Variants in TNPO1 observed in about 807,000 individuals in gnomAD.
TNPO1 encodes transportin-1.
TNPO1 carries 8 observed loss-of-function variants against 119.5 expected under a neutral mutation model. The ratio of observed to expected loss-of-function variants is 0.07; its 90% confidence interval spans 0.04 to 0.12. The LOEUF is 0.12. Ranked by LOEUF, TNPO1 falls within the 10% of genes least tolerant of loss-of-function variation. TNPO1 has a pLI of 1.00. For missense variants in TNPO1, 576 were observed against 1,089.8 expected (o/e 0.53, Z 6.64); for synonymous variants, 362 against 363.0 (o/e 1.00, Z 0.03).
intron 1 of TNPO1, among the ~76,000 whole-genome samples, chr5:72,847,041 T>C (rs1745161483): frequency 1.3e-5 from 2 of 152,164 alleles, no homozygotes; most frequent in Admixed American, 1.3e-4. Flanking sequence ...TGATTTTGTT[T>C]TGAGTTTTTT....
chr5:72,888,298 C>T lies in TNPO1; in HGVS notation c.1524C>T (p.Ala508=), dbSNP rs41271139. 8.2e-5 allele frequency: 133 copies of T among 1,613,484 alleles called. No homozygotes were observed. The highest frequency in any genetic ancestry group is 1.1e-4 in the Non-Finnish European group (129 of 1,179,578). The change falls in exon 13 of 25, where the codon GCC becomes GCT. Residue 508 remains alanine (A), a synonymous_variant. Coordinates refer to ENST00000337273, the MANE Select transcript of TNPO1 (RefSeq NM_002270.4). ...LDSNKRVQEA[A]CSAFATLEEE... is the part of the protein sequence containing the mutation. ...GCAACAAGAGAGTACAAGAAGCTGC[C>T]TGCAGGTGGGACAGATTCATAACAC...
At chr5:72,888,712 G>T (rs1378640335) in intron 13 of TNPO1, among the ~76,000 whole-genome samples, 1 of 152,168 alleles carries the variant, frequency 6.6e-6, no homozygotes, top group Non-Finnish European at 1.5e-5. Context: ...ACTCTTGAAG[G>T]AATAACAACG....
rs772665753 is a variant in TNPO1, at chr5:72,861,825, A to G, written c.373A>G (p.Ile125Val). The change falls in exon 5 of 25, where the codon ATA becomes GTA. Residue 125 changes from isoleucine to valine, a missense_variant. Around this residue, in one of 6 missense-constraint regions of TNPO1, gnomAD observed 310 missense variants for 583.0 expected, o/e 0.53. Transcript: ENST00000337273. ...TGTTCAAGGTATTTTGATCACAACT[A>G]TAGCCTCCAAGGGAGAATTGCAGAA... ...RATVGILITT[I>V]ASKGELQNWP... 5.0e-6 allele frequency: 8 copies of G among 1,613,592 alleles called. No individual in the cohort carries two copies. The highest frequency in any genetic ancestry group is 6.8e-6 in the Non-Finnish European group (8 of 1,179,510).
rs538399972 is a variant in TNPO1, at chr5:72,887,964, G to A, written c.1304-114G>A. 4.1e-6 allele frequency: 4 copies of A among 969,954 alleles called. No individual in the cohort carries two copies. In the South Asian group the frequency reaches 4.9e-5, roughly 12 times the overall value. The allele number at this position is 969,954 out of a possible 1,614,324, so 60.1% of individuals were successfully genotyped here. On this transcript the variant is annotated intron_variant, in intron 12 of 24. Transcript: ENST00000337273. ...TTTGGTATAGGTTATTGTAGTATGTGTATAGCAGTAGAAATATTCTGAATT... is the reference window on the plus strand; with the variant it reads ...TTTGGTATAGGTTATTGTAGTATGTATATAGCAGTAGAAATATTCTGAATT...
In TNPO1 at chr5:72,843,073, T is replaced by A. The variant is rs138769393; in HGVS notation, c.16-5312T>A. ...GAGGCAGTGCTGCTCTCTGGAGGTGTCCTAGTGACTGGGAGGTGCTCTTGT... is the reference window on the plus strand; with the variant it reads ...GAGGCAGTGCTGCTCTCTGGAGGTGACCTAGTGACTGGGAGGTGCTCTTGT... On this transcript the variant is annotated intron_variant, in intron 1 of 24. Transcript: ENST00000337273. 7.0e-3 allele frequency among the ~76,000 whole-genome samples: 1,063 copies of A among 152,300 alleles called. 9 individuals are homozygous for A. Among genetic ancestry groups the A allele is most frequent in the Non-Finnish European group, 9.6e-3 (651 of 68,030 alleles).
chr5:72,849,133 C>G (rs531908010), intron 2 of TNPO1, among the ~76,000 whole-genome samples: 1 of 152,206 alleles, frequency 6.6e-6, no homozygotes, highest in African/African-American at 2.4e-5. Flanking sequence ...GTTGCGAACT[C>G]CTTGTCACCC....
At chr5:72,862,198 C>G (rs1185422664) in intron 5 of TNPO1, among the ~76,000 whole-genome samples, 1 of 152,192 alleles carries the variant, frequency 6.6e-6, no homozygotes, top group African/African-American at 2.4e-5. Flanking sequence ...CAGTTTTTGT[C>G]AAGCCTAATC....
chr5:72,817,947 C>G (rs1743775936), intron 1 of TNPO1, among the ~76,000 whole-genome samples: 1 of 152,220 alleles, frequency 6.6e-6, no homozygotes. Context: ...TCCACTTTCA[C>G]CTTACCTGGC....
Position 72,831,948 on chromosome 5 carries a change from T to C in TNPO1, c.15+15196T>C, listed in dbSNP as rs1351440647. 2.6e-5 allele frequency among the ~76,000 whole-genome samples: 4 copies of C among 152,096 alleles called. No individual in the cohort carries two copies. In the South Asian group the frequency reaches 8.3e-4, roughly 31 times the overall value. ...ATACTTTTCACGTCATTACAGAAAT[T>C]AACCTTCTTTTTTTGATTGTTGCAT... On this transcript the variant is annotated intron_variant, in intron 1 of 24. Transcript: ENST00000337273.
At chr5:72,816,881 T>A in intron 1 of TNPO1, 129 bp downstream of exon 1, 13 of 1,193,502 alleles carry the variant, frequency 1.1e-5, no homozygotes, top group Non-Finnish European at 1.4e-5. Context: ...TGCCCGGCCG[T>A]TTGAAGCCGA....
At chr5:72,816,863 T>C (rs2112144232) in intron 1 of TNPO1, 111 bp downstream of exon 1, 5 of 1,349,060 alleles carry the variant, frequency 3.7e-6, no homozygotes, top group Non-Finnish European at 4.0e-6. Flanking sequence ...GCCCGCTCTC[T>C]CGGCGCCTGC....
intron 6 of TNPO1, among the ~76,000 whole-genome samples, chr5:72,870,740 C>T (rs1033479696): frequency 1.3e-5 from 2 of 152,072 alleles, no homozygotes; most frequent in East Asian, 1.9e-4. Flanking sequence ...TAGTAGGTGC[C>T]TCTGGAGGTT....
intron 5 of TNPO1, among the ~76,000 whole-genome samples, chr5:72,862,133 C>A (rs761539949): frequency 6.6e-6 from 1 of 152,104 alleles, no homozygotes; most frequent in Non-Finnish European, 1.5e-5. Flanking sequence ...CACACAAGGA[C>A]GTATCTTGCT....
chr5:72,870,283 C>T (rs946154366), intron 6 of TNPO1, among the ~76,000 whole-genome samples: 3 of 151,718 alleles, frequency 2.0e-5, no homozygotes, highest in African/African-American at 4.8e-5. Flanking sequence ...GCCTCAGCCT[C>T]CCAAGTATAG....
chr5:72,841,264 C>T (rs1381567925), intron 1 of TNPO1, among the ~76,000 whole-genome samples: 1 of 151,918 alleles, frequency 6.6e-6, no homozygotes, highest in Non-Finnish European at 1.5e-5. Flanking sequence ...ATTACAGGCG[C>T]CCGCTACCAC....
chr5:72,887,001 C>A (rs527482526), intron 11 of TNPO1, 69 bp from the exon 12 acceptor site: 7 of 1,291,404 alleles, frequency 5.4e-6, no homozygotes, highest in Non-Finnish European at 5.1e-6. Flanking sequence ...TAAAATGTTA[C>A]ATATACAATA....
In TNPO1 at chr5:72,860,684, T is replaced by G. The variant is rs116686764; in HGVS notation, c.356-1124T>G. Among the ~76,000 whole-genome samples, 641 of 152,010 alleles carry G rather than the reference T, an allele frequency of 4.2e-3. 4 individuals are homozygous for G. Among genetic ancestry groups the G allele is most frequent in the African/African-American group, 0.015 (619 of 41,454 alleles). On this transcript the variant is annotated intron_variant, in intron 4 of 24. Coordinates refer to ENST00000337273, the MANE Select transcript of TNPO1 (RefSeq NM_002270.4). ...TGTAGCCTGCCTACATGAGGGAGAGTGTTGTAAGCAGTGAAACATACAGGA... is the reference window on the plus strand; with the variant it reads ...TGTAGCCTGCCTACATGAGGGAGAGGGTTGTAAGCAGTGAAACATACAGGA...
At chr5:72,841,560 C>T (rs1358815372) in intron 1 of TNPO1, among the ~76,000 whole-genome samples, 2 of 151,786 alleles carry the variant, frequency 1.3e-5, no homozygotes, top group Non-Finnish European at 2.9e-5. Context: ...CACCAGGTCT[C>T]GAACTCATGA....
intron 1 of TNPO1, among the ~76,000 whole-genome samples, chr5:72,834,544 A>G (rs1744608586): frequency 6.6e-6 from 1 of 152,250 alleles, no homozygotes; most frequent in African/African-American, 2.4e-5. Context: ...AAAAATTAAT[A>G]TAAAAAAGTG....
Sources: allele counts gnomAD v4.1 joint callset (sites outside exome capture counted in the v4.1 genomes callset), GRCh38; gene constraint gnomAD v4.1.1; regional missense constraint gnomAD v4.1.1; transcripts MANE v1.5; gene names NCBI Gene and HGNC (gene_info 2026-07-23, HGNC 2026-07-21).